The following SHROOM3 variants were observed in gnomAD, a reference collection of about 807,000 sequenced individuals.
The protein encoded by SHROOM3 is shroom family member 3, also known as protein Shroom3.
Under a neutral mutation model 138.6 loss-of-function variants are expected in SHROOM3, and 47 were observed. The ratio of observed to expected loss-of-function variants is 0.34; its 90% confidence interval spans 0.27 to 0.43. SHROOM3 has a LOEUF of 0.43. SHROOM3 is among the 20% of genes least tolerant of loss of function. The pLI is 1.00. For synonymous variants in SHROOM3, 1,062 were observed against 1,063.3 expected, an observed-to-expected ratio of 1.00 and a Z score of 0.02; for missense variants, 2,491 against 2,596.5, an observed-to-expected ratio of 0.96 and a Z score of 0.88.
At chr4:76,582,392 C>T (rs1734069789) in intron 2 of SHROOM3, among the ~76,000 whole-genome samples, 1 of 151,840 alleles carries the variant, frequency 6.6e-6, no homozygotes, top group Non-Finnish European at 1.5e-5. Context: ...AAAAAATGAG[C>T]AAAGAAACCA....
chr4:76,512,986 T>C (rs998305984), intron 1 of SHROOM3, among the ~76,000 whole-genome samples: 20 of 152,276 alleles, frequency 1.3e-4, no homozygotes, highest in African/African-American at 4.6e-4. Context: ...GAGCAAGTCT[T>C]GTGAATTGCT....
At position 76,601,856 on chromosome 4, in the gene SHROOM3, A is replaced by G. The variant is rs192828767; in HGVS notation, c.323+46093A>G. 9.8e-5 allele frequency among the ~76,000 whole-genome samples: 15 copies of G among 152,286 alleles called. No homozygotes were observed. In the South Asian group the frequency reaches 2.5e-3, roughly 25 times the overall value. On this transcript the variant is annotated intron_variant, in intron 2 of 10. Transcript: ENST00000296043. ...TTAGTCTGGACTATCTTCTTTATAT[A>G]TAGCTCTCAAATTGTCAGACAATTC...
Position 76,435,398 on chromosome 4 carries a change from T to C in SHROOM3, c.-655T>C, listed in dbSNP as rs944211558. 1.3e-5 allele frequency: 2 copies of C among 152,128 alleles called. No individual in the cohort carries two copies. Among genetic ancestry groups the C allele is most frequent in the African/African-American group, 4.8e-5 (2 of 41,434 alleles). The allele number at this position is 152,128 out of a possible 1,614,324, so 9.4% of individuals were successfully genotyped here. A position where few individuals can be genotyped will look rare whatever the true frequency, so the allele number is the denominator to read the frequency against. On this transcript the variant is annotated 5_prime_UTR_variant, in exon 1 of 11. Transcript: ENST00000296043. Reference sequence around the variant, plus strand: ...TACATCCTGCAAAAGTTTTTTTCTCTCCTAAGAAACAAACTATGAACTGAT... The same window carrying C: ...TACATCCTGCAAAAGTTTTTTTCTCCCCTAAGAAACAAACTATGAACTGAT...
At position 76,740,449 on chromosome 4, in the gene SHROOM3, G is replaced by A. The variant is rs770482470; in HGVS notation, c.2276G>A (p.Arg759Lys). ...CCGCACACATCCAGTCTGGGCCGGA[G>A]GGGGCCCGGCCCAGGCAGCGCCTCG... ...SHPHTSSLGR[R>K]GPGPGSASAL... Residue 759 changes from arginine to lysine, a missense_variant, in exon 5 of 11, where the codon AGG (arginine) becomes AAG (lysine). By Grantham distance (26) the Arg-to-Lys change is conservative (BLOSUM62 2). Transcript: ENST00000296043. The surrounding 1 kb of genome is among the most constrained non-coding windows in gnomAD (Gnocchi z 4.0). 1 of 1,611,918 alleles carries A rather than the reference G, an allele frequency of 6.2e-7. No homozygotes were observed.
chr4:76,626,894 G>C (rs1380559113), intron 2 of SHROOM3, among the ~76,000 whole-genome samples: 1 of 152,116 alleles, frequency 6.6e-6, no homozygotes, highest in Non-Finnish European at 1.5e-5. Context: ...ACTTTTCTTT[G>C]TGTATACCAT....
intron 1 of SHROOM3, among the ~76,000 whole-genome samples, chr4:76,496,774 C>G (rs1731976384): frequency 8.6e-6 from 1 of 116,910 alleles, no homozygotes; most frequent in African/African-American, 2.8e-5. Flanking sequence ...CTCATTCAGT[C>G]AATTCTTACT....
chr4:76,666,609 A>T (rs973419468), intron 2 of SHROOM3, among the ~76,000 whole-genome samples: 1 of 152,200 alleles, frequency 6.6e-6, no homozygotes, highest in South Asian at 2.1e-4. Flanking sequence ...TTTTTTAAAA[A>T]GAGGAAATGC....
intron 10 of SHROOM3, among the ~76,000 whole-genome samples, chr4:76,771,860 A>C (rs1376447275): frequency 1.3e-5 from 2 of 152,180 alleles, no homozygotes; most frequent in Non-Finnish European, 2.9e-5. Flanking sequence ...TCTGTACGGC[A>C]AATAGTTACT....
intron 2 of SHROOM3, among the ~76,000 whole-genome samples, chr4:76,558,406 A>G (rs1167424666): frequency 6.6e-6 from 1 of 152,162 alleles, no homozygotes; most frequent in African/African-American, 2.4e-5. Flanking sequence ...GCAATATTTG[A>G]TTATTATTAT....
At chr4:76,715,644 T>A (rs1193696665) in intron 3 of SHROOM3, among the ~76,000 whole-genome samples, 1 of 152,190 alleles carries the variant, frequency 6.6e-6, no homozygotes, top group Non-Finnish European at 1.5e-5. Context: ...CATTTACCCT[T>A]ATATGGGGAT....
At chr4:76,690,992 G>C (rs1189643489) in intron 2 of SHROOM3, among the ~76,000 whole-genome samples, 1 of 152,138 alleles carries the variant, frequency 6.6e-6, no homozygotes, top group East Asian at 1.9e-4. Flanking sequence ...ATTTATTGTG[G>C]CAATTTCTCT....
intron 2 of SHROOM3, among the ~76,000 whole-genome samples, chr4:76,594,844 C>T (rs189113677): frequency 1.8e-4 from 27 of 152,266 alleles, no homozygotes; most frequent in Non-Finnish European, 3.7e-4. Context: ...CTTGACAATG[C>T]CAGTATCTAA....
intron 1 of SHROOM3, among the ~76,000 whole-genome samples, chr4:76,468,340 T>A (rs569391027): frequency 8.9e-4 from 136 of 152,344 alleles, no homozygotes; most frequent in African/African-American, 3.2e-3. Context: ...AGACCACTTT[T>A]AGGTTTTGAA....
In SHROOM3 at chr4:76,779,077, C is replaced by G; in HGVS notation, c.5891C>G (p.Ala1964Gly). 6.2e-7 allele frequency: 1 copy of G among 1,614,200 alleles called. No individual in the cohort carries two copies. Among genetic ancestry groups the G allele is most frequent in the Non-Finnish European group, 8.5e-7 (1 of 1,180,042 alleles). Residue 1964 changes from alanine to glycine, a missense_variant, in exon 11 of 11, where the codon GCT becomes GGT. Transcript: ENST00000296043. The stretch of plus-strand genomic sequence containing the variant: ...CTGCCCTCAGATTTCATTCCCAAGG[C>G]TGGGGCCCTGGCTCTGCCCCCAAAC... ...ESLPSDFIPK[A>G]GALALPPNLT...
chr4:76,699,781 C>G (rs552145444), intron 2 of SHROOM3, among the ~76,000 whole-genome samples: 10 of 152,144 alleles, frequency 6.6e-5, no homozygotes, highest in African/African-American at 2.4e-4. Flanking sequence ...GCAGCATAGT[C>G]TAGGAGAGGC....
Position 76,441,089 on chromosome 4 carries a change from T to TTTTTTG in SHROOM3, c.168+4874_168+4875insGTTTTT, listed in dbSNP as rs1447598441. ...GCCACAGTCCTGAGTTCAATTTGTT[T>TTTTTTG]TTTTTTTTTTTTTTTTTTGAGACAG... On this transcript the variant is annotated intron_variant, in intron 1 of 10. Coordinates refer to ENST00000296043, the MANE Select transcript of SHROOM3 (RefSeq NM_020859.4). 8.0e-5 allele frequency among the ~76,000 whole-genome samples: 10 copies of TTTTTTG among 124,422 alleles called. 1 individual carries two copies. The highest frequency in any genetic ancestry group is 2.9e-4 in the African/African-American group (9 of 30,860). 81.6% of individuals were successfully genotyped at this position (124,422 alleles called of 152,430 possible).
intron 2 of SHROOM3, among the ~76,000 whole-genome samples, chr4:76,659,231 C>A (rs1305162915): frequency 6.6e-6 from 1 of 152,182 alleles, no homozygotes; most frequent in Non-Finnish European, 1.5e-5. Context: ...TGTGAACTGA[C>A]TCTTCCTCAC....
At chr4:76,504,857 A>G (rs1323218218) in intron 1 of SHROOM3, among the ~76,000 whole-genome samples, 1 of 152,174 alleles carries the variant, frequency 6.6e-6, no homozygotes, top group Non-Finnish European at 1.5e-5. Context: ...GGGTAAGTAG[A>G]AATGTATGAA....
chr4:76,725,351 T>G (rs1009980659), intron 3 of SHROOM3, among the ~76,000 whole-genome samples: 15 of 152,236 alleles, frequency 9.9e-5, no homozygotes, highest in African/African-American at 3.4e-4. Context: ...CTGTAGGAAT[T>G]ATTTCATTTG....
Sources: gnomAD v4.1 joint callset for allele counts (sites outside exome capture counted in the v4.1 genomes callset) on GRCh38, gnomAD v4.1.1 for gene constraint, Gnocchi (gnomAD v3.1) non-coding constraint, MANE v1.5 for transcripts, NCBI Gene and HGNC (gene_info 2026-07-23, HGNC 2026-07-21) for gene names.